Variants in TSHZ3 observed in about 807,000 individuals in gnomAD.
The protein encoded by TSHZ3 is teashirt zinc finger homeobox 3, also known as teashirt homolog 3.
A neutral mutation model predicts 64.5 loss-of-function variants in TSHZ3; 10 were observed. The ratio of observed to expected loss-of-function variants is 0.16; its 90% CI spans 0.10 to 0.26. The LOEUF (loss-of-function observed/expected upper bound fraction) is 0.26. Among genes scored for constraint, TSHZ3 ranks in the 10% least tolerant of loss-of-function variants. The pLI, the probability that TSHZ3 is intolerant of heterozygous loss-of-function variation, is 1.00. For synonymous variants in TSHZ3, 608 were observed against 593.1 expected (o/e 1.03, Z -0.36); for missense variants, 1,242 against 1,421.7 (o/e 0.87, Z 2.03).
intron 1 of TSHZ3, among the ~76,000 whole-genome samples, chr19:31,258,789 A>G (rs991810079): frequency 4.6e-5 from 7 of 152,220 alleles, no homozygotes; most frequent in Non-Finnish European, 1.0e-4. Flanking sequence ...CTCTTGCCAC[A>G]GCTTAGCATA....
chr19:31,280,801 G>A (rs1463207682), intron 1 of TSHZ3, among the ~76,000 whole-genome samples: 3 of 152,234 alleles, frequency 2.0e-5, no homozygotes, highest in East Asian at 1.9e-4. Flanking sequence ...GAAGATGCAC[G>A]TCCAGAGACA....
intron 1 of TSHZ3, among the ~76,000 whole-genome samples, chr19:31,248,340 G>A (rs11669597): frequency 2.2e-3 from 340 of 152,268 alleles, no homozygotes; most frequent in Admixed American, 6.0e-3. Flanking sequence ...GAGAATTCTC[G>A]CAACTTTTCT....
In TSHZ3 at chr19:31,277,360, C is replaced by A. The variant is rs373784479; in HGVS notation, c.2433G>T (p.Thr811=). Residue 811 remains threonine (T), a synonymous_variant, in exon 2 of 2, where the codon ACG becomes ACT. Transcript: ENST00000240587. The surrounding 1 kb of genome is among the most constrained non-coding windows in gnomAD (Gnocchi z 4.5). ...CSLGSVLLSP[T]STAPATSSST... ...ATGAGGAGGTTGCCGGGGCTGTGGA[C>A]GTGGGTGACAGAAGCACTGAACCCA... is the stretch of plus-strand genomic sequence containing the variant. 1.9e-6 allele frequency: 3 copies of A among 1,614,044 alleles called. No individual in the cohort carries two copies. Among genetic ancestry groups the A allele is most frequent in the Non-Finnish European group, 2.5e-6 (3 of 1,179,936 alleles).
At chr19:31,189,481 T>G (rs1268444198) in intron 5 of TSHZ3, among the ~76,000 whole-genome samples, 1 of 151,994 alleles carries the variant, frequency 6.6e-6, no homozygotes, top group African/African-American at 2.4e-5. Flanking sequence ...CCATGGTGAT[T>G]TTTTCCTTTT....
In TSHZ3 at chr19:31,278,831, C is replaced by G. The variant is rs769727817; in HGVS notation, c.962G>C (p.Arg321Pro). The change falls in exon 2 of 2, where the codon CGG becomes CCG. Residue 321 changes from arginine to proline, a missense_variant. Physicochemically the swap from Arg to Pro is moderately radical, Grantham distance 103. This residue lies in a region of TSHZ3 where 555 missense variants were observed against 704.0 expected (regional missense o/e 0.79). Transcript: ENST00000240587. The surrounding 1 kb of genome is among the most constrained non-coding windows in gnomAD (Gnocchi z 4.7). ...PVAAKIIPAT[R>P]KKASLELELP... is the part of the protein sequence containing the mutation. ...CTCCAGCTCCAGGGAAGCTTTCTTC[C>G]GAGTGGCAGGGATGATTTTGGCGGC... The G allele has an allele frequency of 6.2e-7, 1 of 1,614,084 alleles. No homozygotes were observed. Among genetic ancestry groups the G allele is most frequent in the South Asian group, 1.1e-5 (1 of 91,076 alleles).
intron 5 of TSHZ3, among the ~76,000 whole-genome samples, chr19:31,179,174 G>A (rs899401118): frequency 6.6e-6 from 1 of 152,090 alleles, no homozygotes; most frequent in Non-Finnish European, 1.5e-5. Flanking sequence ...AACAGCAAGG[G>A]AAGATAAAAC....
chr19:31,206,560 C>T (rs1975181060), intron 4 of TSHZ3, among the ~76,000 whole-genome samples: 1 of 152,182 alleles, frequency 6.6e-6, no homozygotes, highest in Non-Finnish European at 1.5e-5. Flanking sequence ...ACATGTCCTT[C>T]AGCTGTCTTA....
chr19:31,343,369 G>A (rs1917491049), intron 1 of TSHZ3, among the ~76,000 whole-genome samples: 1 of 151,910 alleles, frequency 6.6e-6, no homozygotes, highest in African/African-American at 2.4e-5. Flanking sequence ...CCACCCCCCG[G>A]ACTGTATCTC....
Position 31,279,701 on chromosome 19 carries a change from T to C in TSHZ3, c.92A>G (p.Asp31Gly). 6.5e-7 allele frequency: 1 copy of C among 1,539,422 alleles called. No homozygotes were observed. Among genetic ancestry groups the C allele is most frequent in the Non-Finnish European group, 8.8e-7 (1 of 1,142,682 alleles). ...TCCATCTGCCGTATGCTCCTCTGGGTCTAAACCTTCGTCCACCAGGGCAGC... is the reference window on the plus strand; with the variant it reads ...TCCATCTGCCGTATGCTCCTCTGGGCCTAAACCTTCGTCCACCAGGGCAGC... ...KAAALVDEGLDPEEHTADGEP... is the reference protein window; with the variant it reads ...KAAALVDEGLGPEEHTADGEP... The change falls in exon 2 of 2, where the codon GAC becomes GGC. Residue 31 changes from aspartate to glycine, a missense_variant. By Grantham distance (94) the Asp-to-Gly change is moderately conservative. Around this residue, in one of 4 missense-constraint regions of TSHZ3, gnomAD observed 555 missense variants for 704.0 expected, o/e 0.79. Coordinates refer to ENST00000240587, the MANE Select transcript of TSHZ3 (RefSeq NM_020856.4). The surrounding 1 kb of genome is among the most constrained non-coding windows in gnomAD (Gnocchi z 6.4).
At chr19:31,243,820 A>T (rs1187825235) in intron 1 of TSHZ3, among the ~76,000 whole-genome samples, 2 of 152,114 alleles carry the variant, frequency 1.3e-5, no homozygotes, top group Non-Finnish European at 2.9e-5. Context: ...TGTTTTCCTC[A>T]TCTGCATTTG....
intron 5 of TSHZ3, among the ~76,000 whole-genome samples, chr19:31,181,168 A>G (rs1053491313): frequency 6.6e-6 from 1 of 152,094 alleles, no homozygotes; most frequent in African/African-American, 2.4e-5. Context: ...AGAATCAAGC[A>G]GAACAGCACC....
In TSHZ3 at chr19:31,279,638, A is replaced by G; in HGVS notation, c.155T>C (p.Leu52Pro). Residue 52 changes from leucine (L) to proline (P), a missense_variant, in exon 2 of 2, where the codon CTC (leucine) becomes CCC (proline). By Grantham distance (98) the Leu-to-Pro change is moderately conservative. This residue lies in a region of TSHZ3 where 555 missense variants were observed against 704.0 expected (regional missense o/e 0.79). Transcript: ENST00000240587. The surrounding 1 kb of genome is among the most constrained non-coding windows in gnomAD (Gnocchi z 6.4). ...SAKYMCPEKE[L>P]ARACPSYQNS... Reference sequence around the variant, plus strand: ...CTGGTAGCTGGGGCAGGCCCTGGCGAGCTCCTTCTCCGGGCACATGTACTT... The same window carrying G: ...CTGGTAGCTGGGGCAGGCCCTGGCGGGCTCCTTCTCCGGGCACATGTACTT... 6.2e-7 allele frequency: 1 copy of G among 1,610,826 alleles called. No individual in the cohort carries two copies. Among genetic ancestry groups the G allele is most frequent in the Non-Finnish European group, 8.5e-7 (1 of 1,178,254 alleles).
intron 1 of TSHZ3, among the ~76,000 whole-genome samples, chr19:31,316,713 A>C (rs1916612584): frequency 6.6e-6 from 1 of 152,286 alleles, no homozygotes; most frequent in East Asian, 1.9e-4. Context: ...GAAATGTTCA[A>C]GTGTCTGCTT....
intron 1 of TSHZ3, among the ~76,000 whole-genome samples, chr19:31,322,056 C>A (rs1413017647): frequency 6.6e-6 from 1 of 152,182 alleles, no homozygotes; most frequent in Non-Finnish European, 1.5e-5. Context: ...GTTCAACTCC[C>A]ACTTATGAGT....
chr19:31,179,665 T>C (rs1284543750), intron 5 of TSHZ3, among the ~76,000 whole-genome samples: 4 of 151,794 alleles, frequency 2.6e-5, no homozygotes, highest in African/African-American at 9.7e-5. Context: ...GTGGCAATGA[T>C]GATGGTGGTG....
At chr19:31,315,875 G>A (rs1238182733) in intron 1 of TSHZ3, among the ~76,000 whole-genome samples, 1 of 152,190 alleles carries the variant, frequency 6.6e-6, no homozygotes, top group Non-Finnish European at 1.5e-5. Context: ...AATAAAAAGT[G>A]ATGTGAGCTG....
intron 1 of TSHZ3, among the ~76,000 whole-genome samples, chr19:31,257,198 C>A (rs1219542491): frequency 6.6e-6 from 1 of 152,072 alleles, no homozygotes; most frequent in Non-Finnish European, 1.5e-5. Flanking sequence ...TAAGCCAAGG[C>A]ACAGAGGGCT....
intron 1 of TSHZ3, among the ~76,000 whole-genome samples, chr19:31,242,951 G>A (rs1975714460): frequency 1.3e-5 from 2 of 152,160 alleles, no homozygotes; most frequent in Non-Finnish European, 1.5e-5. Context: ...ATTGGATGGT[G>A]CCTGCTTACA....
chr19:31,153,411 A>G (rs934911932), intron 6 of TSHZ3, among the ~76,000 whole-genome samples: 1 of 152,226 alleles, frequency 6.6e-6, no homozygotes, highest in Non-Finnish European at 1.5e-5. Context: ...GAGTGGAAGG[A>G]CAGTCATTTA....
Sources: allele counts gnomAD v4.1 joint callset (sites outside exome capture counted in the v4.1 genomes callset), GRCh38; gene constraint gnomAD v4.1.1; regional missense constraint gnomAD v4.1.1; non-coding constraint Gnocchi (gnomAD v3.1); transcripts MANE v1.5; gene names NCBI Gene and HGNC (gene_info 2026-07-23, HGNC 2026-07-21).